The following PRLR variants were observed in gnomAD, a reference collection of about 807,000 sequenced individuals.
PRLR encodes the protein prolactin receptor, also known as hPRL receptor.
PRLR carries 13 observed loss-of-function variants against 40.2 expected under a neutral mutation model. The observed-to-expected ratio is 0.32, with a 90% CI of 0.21 to 0.51. The LOEUF is 0.51. Among genes scored for constraint, PRLR ranks in the 20% least tolerant of loss-of-function variants. The pLI, the probability that PRLR is intolerant of heterozygous loss-of-function variation, is 0.97. For synonymous variants in PRLR, 269 were observed against 278.7 expected, an observed-to-expected ratio of 0.97 and a Z score of 0.35; for missense variants, 656 against 747.3, an observed-to-expected ratio of 0.88 and a Z score of 1.42.
At chr5:35,146,677 A>C (rs1306067194) in intron 1 of PRLR, among the ~76,000 whole-genome samples, 3 of 152,168 alleles carry the variant, frequency 2.0e-5, no homozygotes, top group Non-Finnish European at 4.4e-5. Flanking sequence ...GCAGGAGAGG[A>C]TGGAGGTTTC....
At chr5:35,222,859 T>C (rs1474215603) in intron 1 of PRLR, among the ~76,000 whole-genome samples, 1 of 152,158 alleles carries the variant, frequency 6.6e-6, no homozygotes, top group African/African-American at 2.4e-5. Flanking sequence ...ATTTGTAAAG[T>C]TGGAGAGGTG....
At chr5:35,074,548 C>T (rs1171521709) in intron 5 of PRLR, among the ~76,000 whole-genome samples, 1 of 142,538 alleles carries the variant, frequency 7.0e-6, no homozygotes, top group African/African-American at 3.0e-5. Flanking sequence ...ACGAGGCAAA[C>T]TCCCAGAAAC....
intron 2 of PRLR, among the ~76,000 whole-genome samples, chr5:35,107,679 G>T (rs1296999814): frequency 1.3e-5 from 2 of 152,188 alleles, no homozygotes; most frequent in Admixed American, 6.5e-5. Context: ...CAACCAGGAA[G>T]AAGTCGAATC....
At chr5:35,133,194 G>T (rs1773740543) in intron 1 of PRLR, among the ~76,000 whole-genome samples, 1 of 152,136 alleles carries the variant, frequency 6.6e-6, no homozygotes, top group South Asian at 2.1e-4. Context: ...CTGGTTCTCA[G>T]GCCTTCAGAA....
intron 1 of PRLR, among the ~76,000 whole-genome samples, chr5:35,226,679 G>T (rs1445432421): frequency 6.6e-6 from 1 of 152,230 alleles, no homozygotes; most frequent in Non-Finnish European, 1.5e-5. Flanking sequence ...GGTATCCTTT[G>T]TATGGCAGTC....
Position 35,065,130 on chromosome 5 carries a change from C to A in PRLR, c.1828G>T (p.Asp610Tyr), listed in dbSNP as rs1236324669. 6.2e-7 allele frequency: 1 copy of A among 1,613,902 alleles called. No homozygotes were observed. ...GTAAAACATGCGGGATCCAGGTAAT[C>A]CAAACCACCCAGCTGGAGCCTGCAC... ...SKCRLQLGGLDYLDPACFTHS... is the reference protein window; with the variant it reads ...SKCRLQLGGLYYLDPACFTHS... The change falls in exon 10 of 10, where the codon GAT (aspartate) becomes TAT (tyrosine). Residue 610 changes from aspartate (D) to tyrosine (Y), a missense_variant. Coordinates refer to ENST00000618457, the MANE Select transcript of PRLR (RefSeq NM_000949.7).
At chr5:35,102,010 A>G (rs929694726) in intron 2 of PRLR, among the ~76,000 whole-genome samples, 10 of 151,574 alleles carry the variant, frequency 6.6e-5, no homozygotes, top group Non-Finnish European at 1.2e-4. Context: ...TTGTTTTTTT[A>G]GTAGAGACAG....
chr5:35,112,240 T>C (rs1284675978), intron 2 of PRLR, among the ~76,000 whole-genome samples: 1 of 152,216 alleles, frequency 6.6e-6, no homozygotes, highest in Non-Finnish European at 1.5e-5. Flanking sequence ...CTTAGGGTTA[T>C]TTGAAATACC....
At chr5:35,184,907 A>G (rs1284093068) in intron 1 of PRLR, among the ~76,000 whole-genome samples, 1 of 152,284 alleles carries the variant, frequency 6.6e-6, no homozygotes, top group East Asian at 1.9e-4. Context: ...TAAATGCTCA[A>G]CAAATATAGG....
Position 35,077,797 on chromosome 5 carries a change from G to A in PRLR, c.374-5053C>T, listed in dbSNP as rs181648121. ...CATGTATTCCAAAGCAGACCACATAGTTGGAAGGAAAGCACTCCTCAGCAA... is the reference window on the plus strand; with the variant it reads ...CATGTATTCCAAAGCAGACCACATAATTGGAAGGAAAGCACTCCTCAGCAA... On this transcript the variant is annotated intron_variant, in intron 5 of 9. Transcript: ENST00000618457. Among the ~76,000 whole-genome samples, 250 of 152,184 alleles carry A rather than the reference G, an allele frequency of 1.6e-3. 2 individuals carry two copies. The highest frequency in any genetic ancestry group is 5.8e-3 in the African/African-American group (239 of 41,468).
intron 5 of PRLR, among the ~76,000 whole-genome samples, chr5:35,084,055 G>A (rs1770694017): frequency 6.6e-6 from 1 of 152,118 alleles, no homozygotes; most frequent in African/African-American, 2.4e-5. Flanking sequence ...ATTGCTGTGG[G>A]TGCAGAATCA....
At chr5:35,165,271 G>A (rs1774790619) in intron 1 of PRLR, among the ~76,000 whole-genome samples, 1 of 152,178 alleles carries the variant, frequency 6.6e-6, no homozygotes, top group African/African-American at 2.4e-5. Context: ...AGAACTCAAA[G>A]CGGGTAAAAA....
chr5:35,098,529 G>A (rs1233778219), intron 2 of PRLR, among the ~76,000 whole-genome samples: 1 of 152,198 alleles, frequency 6.6e-6, no homozygotes, highest in African/African-American at 2.4e-5. Flanking sequence ...AGTTTTGCAA[G>A]ACTTCAAACA....
chr5:35,225,129 A>G (rs568291791), intron 1 of PRLR, among the ~76,000 whole-genome samples: 3 of 152,350 alleles, frequency 2.0e-5, no homozygotes, highest in Non-Finnish European at 2.9e-5. Context: ...AAAACTACAA[A>G]GACAATGTAC....
At chr5:35,118,793 C>CTT (rs549235215) in intron 1 of PRLR, among the ~76,000 whole-genome samples, 1 of 145,094 alleles carries the variant, frequency 6.9e-6, no homozygotes. Flanking sequence ...AGGTATGGAT[C>CTT]TTTTTTTTTT....
intron 3 of PRLR, among the ~76,000 whole-genome samples, chr5:35,086,915 A>T (rs947998263): frequency 6.6e-6 from 1 of 152,054 alleles, no homozygotes; most frequent in Admixed American, 6.6e-5. Context: ...CGTTCACTAC[A>T]TCGCTAAAGC....
chr5:35,064,189 C>A lies in PRLR; in HGVS notation c.*900G>T, dbSNP rs1769207922. 2.0e-5 allele frequency: 3 copies of A among 152,122 alleles called. 1 individual carries two copies. In the South Asian group the frequency reaches 6.2e-4, roughly 32 times the overall value. The allele number at this position is 152,122 out of a possible 1,614,324, so 9.4% of individuals were successfully genotyped here. On this transcript the variant is annotated 3_prime_UTR_variant, in exon 10 of 10. Coordinates refer to ENST00000618457, the MANE Select transcript of PRLR (RefSeq NM_000949.7). ...CATAGAAAAATAGTCTTCAAAAATA[C>A]AGTTAAACTTATGGGTTTATATTAA...
chr5:35,171,023 C>T (rs926566166), intron 1 of PRLR, among the ~76,000 whole-genome samples: 4 of 148,430 alleles, frequency 2.7e-5, no homozygotes, highest in Non-Finnish European at 6.0e-5. Flanking sequence ...TCTTTTCCGG[C>T]TTGTTTCTGT....
exon 9 of PRLR, chr5:35,049,406 C>T (rs1266732911): frequency 1.4e-6 from 1 of 702,784 alleles, no homozygotes; most frequent in African/African-American, 1.7e-5. Flanking sequence ...ATCAAGGGGT[C>T]ACCTGGAGTG....
Sources: allele counts gnomAD v4.1 joint callset (sites outside exome capture counted in the v4.1 genomes callset), GRCh38; gene constraint gnomAD v4.1.1; transcripts MANE v1.5; gene names NCBI Gene and HGNC (gene_info 2026-07-23, HGNC 2026-07-21).